Variants in RAI14 observed in about 807,000 individuals in gnomAD.
RAI14 encodes ankycorbin.
RAI14 carries 45 observed loss-of-function variants against 115.4 expected under a neutral mutation model. The observed-to-expected ratio is 0.39, with a 90% CI of 0.31 to 0.50. The LOEUF (loss-of-function observed/expected upper bound fraction) is 0.50. RAI14 is among the 20% of genes least tolerant of loss of function. The pLI, the probability that RAI14 is intolerant of heterozygous loss-of-function variation, is 0.85. For missense variants in RAI14, 939 were observed against 1,131.2 expected (o/e 0.83, Z 2.44); for synonymous variants, 371 against 415.4 (o/e 0.89, Z 1.30).
At chr5:34,673,962 G>A (rs78695186) in intron 1 of RAI14, among the ~76,000 whole-genome samples, 1,797 of 152,238 alleles carry the variant, frequency 0.012, 40 homozygotes, top group African/African-American at 0.042. Flanking sequence ...TGGTTGGAGT[G>A]GGTGGGGAGG....
intron 2 of RAI14, among the ~76,000 whole-genome samples, chr5:34,750,948 G>C (rs1240056533): frequency 7.2e-6 from 1 of 138,380 alleles, no homozygotes; most frequent in African/African-American, 2.8e-5. Flanking sequence ...TGCCTCCCAG[G>C]TTCAAGTGAT....
At chr5:34,687,460 C>T (rs1006976368) in intron 2 of RAI14, 38 of 943,038 alleles carry the variant, frequency 4.0e-5, no homozygotes, top group African/African-American at 1.2e-4. Context: ...TCCAGGGACT[C>T]GTACTCATTT....
chr5:34,787,028 A>G (rs1478754047), intron 3 of RAI14, among the ~76,000 whole-genome samples: 1 of 152,242 alleles, frequency 6.6e-6, no homozygotes, highest in East Asian at 1.9e-4. Flanking sequence ...CAGATCGCTC[A>G]TGCTATTGTT....
intron 2 of RAI14, among the ~76,000 whole-genome samples, chr5:34,713,176 CT>C (rs1741602538): frequency 2.0e-5 from 3 of 152,118 alleles, no homozygotes; most frequent in South Asian, 4.1e-4. Flanking sequence ...CAGTCCCTGT[CT>C]TCTGAGAGCT....
intron 2 of RAI14, 148 bp downstream of exon 2, chr5:34,687,103 G>A (rs571504414): frequency 1.5e-6 from 1 of 685,196 alleles, no homozygotes; most frequent in East Asian, 2.8e-5. Flanking sequence ...AGCTTCTGTA[G>A]ATGGCATGCT....
At chr5:34,814,539 A>G in intron 11 of RAI14, 44 bp from the exon 12 acceptor site, 2 of 1,445,846 alleles carry the variant, frequency 1.4e-6, no homozygotes, top group Non-Finnish European at 1.9e-6. Context: ...AGGAGTTTGA[A>G]GATACATTCT....
chr5:34,793,170 G>A (rs979188734), intron 3 of RAI14, among the ~76,000 whole-genome samples: 1 of 152,218 alleles, frequency 6.6e-6, no homozygotes, highest in South Asian at 2.1e-4. Context: ...TTGTGGGACT[G>A]GAAATTGAGC....
At chr5:34,680,689 C>T (rs925790912) in intron 1 of RAI14, among the ~76,000 whole-genome samples, 2 of 152,134 alleles carry the variant, frequency 1.3e-5, no homozygotes, top group Non-Finnish European at 1.5e-5. Flanking sequence ...AATGCCCTTT[C>T]CTCCTTCACC....
chr5:34,689,597 G>A (rs1738318396), intron 2 of RAI14, among the ~76,000 whole-genome samples: 1 of 152,104 alleles, frequency 6.6e-6, no homozygotes, highest in Non-Finnish European at 1.5e-5. Context: ...TGTTGGCCGG[G>A]TGTGGTGACT....
intron 3 of RAI14, among the ~76,000 whole-genome samples, chr5:34,759,584 A>C (rs950091252): frequency 1.1e-4 from 16 of 152,202 alleles, no homozygotes; most frequent in African/African-American, 3.9e-4. Flanking sequence ...ATGATCTGTC[A>C]GTGTCTCCCA....
In RAI14 at chr5:34,732,213, C is replaced by G. The variant is rs546054808; in HGVS notation, c.37-25255C>G. On this transcript the variant is annotated intron_variant, in intron 2 of 17. Transcript: ENST00000265109. ...TGCCAGGGAAGGTGGTGTTTCTGTT[C>G]TGCCATGGGTTTCAGCTGCAGCCAA... 2.6e-5 allele frequency among the ~76,000 whole-genome samples: 4 copies of G among 152,276 alleles called. No homozygotes were observed. The South Asian group carries it at 8.3e-4, about 32-fold the overall frequency.
At chr5:34,754,698 C>G (rs908446675) in intron 2 of RAI14, among the ~76,000 whole-genome samples, 1 of 152,144 alleles carries the variant, frequency 6.6e-6, no homozygotes, top group Non-Finnish European at 1.5e-5. Flanking sequence ...AAAAGAGGCT[C>G]TAGATAGAAG....
intron 2 of RAI14, among the ~76,000 whole-genome samples, chr5:34,750,518 C>T (rs974572686): frequency 6.6e-5 from 10 of 152,054 alleles, no homozygotes; most frequent in Non-Finnish European, 1.0e-4. Flanking sequence ...CTGAACCGTT[C>T]GAAGGCGTTT....
At chr5:34,721,756 G>T (rs1409771222) in intron 2 of RAI14, among the ~76,000 whole-genome samples, 1 of 152,100 alleles carries the variant, frequency 6.6e-6, no homozygotes, top group Non-Finnish European at 1.5e-5. Context: ...TGTCACCCAG[G>T]CTGGAATGCA....
chr5:34,734,363 G>A (rs967072310), intron 2 of RAI14, among the ~76,000 whole-genome samples: 1 of 152,172 alleles, frequency 6.6e-6, no homozygotes, highest in African/African-American at 2.4e-5. Flanking sequence ...GGCTACCTCT[G>A]TTATCTTTTA....
intron 2 of RAI14, among the ~76,000 whole-genome samples, chr5:34,706,562 G>A (rs905829353): frequency 1.3e-5 from 2 of 152,084 alleles, no homozygotes; most frequent in African/African-American, 4.8e-5. Context: ...CCGGAGTTTG[G>A]GACTTAATGG....
intron 3 of RAI14, among the ~76,000 whole-genome samples, chr5:34,774,681 G>A (rs1279773714): frequency 1.3e-5 from 2 of 151,678 alleles, no homozygotes; most frequent in East Asian, 3.9e-4. Flanking sequence ...ATGGAAGAAT[G>A]TCCATACTAT....
rs1755973735 is a variant in RAI14 at position 34,814,605 on chromosome 5, G to A, written c.875G>A (p.Arg292Lys). 5 of 1,613,324 alleles carry A rather than the reference G, an allele frequency of 3.1e-6. No homozygotes were observed. The East Asian group carries it at 8.9e-5, about 29-fold the overall frequency. The change falls in exon 12 of 18, where the codon AGA becomes AAA. Residue 292 changes from arginine to lysine, a missense_variant. Coordinates refer to ENST00000265109, the MANE Select transcript of RAI14 (RefSeq NM_015577.3). Reference protein sequence around the residue: ...PTQLSDVSSPRSITSTPLSGK... With the variant: ...PTQLSDVSSPKSITSTPLSGK... ...TAGTTGAGTGATGTCTCTTCCCCAA[G>A]ATCAATAACTTCGACTCCACTATCG...
At chr5:34,733,725 A>G (rs1744484349) in intron 2 of RAI14, among the ~76,000 whole-genome samples, 1 of 152,190 alleles carries the variant, frequency 6.6e-6, no homozygotes, top group African/African-American at 2.4e-5. Context: ...GAGAGGAAGC[A>G]CTGGGGTCAC....
Sources: gnomAD v4.1 joint callset for allele counts (sites outside exome capture counted in the v4.1 genomes callset) on GRCh38, gnomAD v4.1.1 for gene constraint, MANE v1.5 for transcripts, NCBI Gene and HGNC (gene_info 2026-07-23, HGNC 2026-07-21) for gene names.